Variants in BRWD1 observed in about 807,000 individuals in gnomAD.
The protein encoded by BRWD1 is bromodomain and WD repeat-containing protein 1.
In BRWD1, 82 loss-of-function variants were observed where a neutral mutation model predicts 251.2. That is an observed-to-expected ratio of 0.33 (90% confidence interval 0.27 to 0.39). The LOEUF (loss-of-function observed/expected upper bound fraction) is 0.39. Ranked by LOEUF, BRWD1 falls within the 10% of genes least tolerant of loss-of-function variation. The pLI is 1.00. For synonymous variants in BRWD1, 918 were observed against 902.8 expected, an observed-to-expected ratio of 1.02 and a Z score of -0.30; for missense variants, 2,233 against 2,711.6, an observed-to-expected ratio of 0.82 and a Z score of 3.92.
At chr21:39,239,298 G>C (rs1411249926) in intron 21 of BRWD1, among the ~76,000 whole-genome samples, 1 of 152,018 alleles carries the variant, frequency 6.6e-6, no homozygotes, top group Non-Finnish European at 1.5e-5. Context: ...TTATCTTCTA[G>C]AAGTTTTATG....
intron 20 of BRWD1, 54 bp from the exon 21 acceptor site, chr21:39,247,886 T>C: frequency 2.7e-6 from 4 of 1,478,008 alleles, no homozygotes; most frequent in South Asian, 2.9e-5. Flanking sequence ...AAGGACAATA[T>C]CAACAAAATG....
intron 13 of BRWD1, among the ~76,000 whole-genome samples, chr21:39,274,074 C>CT (rs2035202574): frequency 6.6e-6 from 1 of 152,050 alleles, no homozygotes; most frequent in Non-Finnish European, 1.5e-5. Context: ...TTAATTTTAT[C>CT]TTTTTTACTT....
Position 39,187,190 on chromosome 21 carries a change from GT to G in BRWD1, c.*9068del. The G allele has an allele frequency of 1.2e-6, 2 of 1,613,634 alleles. No homozygotes were observed. The highest frequency in any genetic ancestry group is 1.6e-4 in the Middle Eastern group (1 of 6,062). On this transcript the variant is annotated 3_prime_UTR_variant, in exon 41 of 41. Coordinates refer to ENST00000342449, the MANE Select transcript of BRWD1 (RefSeq NM_033656.4). Reference sequence around the variant, plus strand: ...GCAGCAGAAGCATTTCGATGGGGCAGTTTTCTGCTACTCTTCCTAATCCAGA... The same window carrying G: ...GCAGCAGAAGCATTTCGATGGGGCAGTTTCTGCTACTCTTCCTAATCCAGA...
chr21:39,294,277 ACCAATACTATTTT>A (rs1445958133), intron 7 of BRWD1, among the ~76,000 whole-genome samples: 1 of 152,208 alleles, frequency 6.6e-6, no homozygotes, highest in Non-Finnish European at 1.5e-5. Flanking sequence ...AGACTCCATT[ACCAATACTATTTT>A]CCCCCAAGTT....
chr21:39,189,803 T>C lies in BRWD1; in HGVS notation c.*6456A>G, dbSNP rs2031450809. On this transcript the variant is annotated 3_prime_UTR_variant, in exon 41 of 41. Transcript: ENST00000342449. Reference sequence around the variant, plus strand: ...AAATATATATAGGATATTTCAGGGTTAGAAGTCAAATTTGTGTGTTAGGGT... The same window carrying C: ...AAATATATATAGGATATTTCAGGGTCAGAAGTCAAATTTGTGTGTTAGGGT... 2 of 985,320 alleles carry C rather than the reference T, an allele frequency of 2.0e-6. No individual in the cohort carries two copies. The highest frequency in any genetic ancestry group is 1.7e-5 in the African/African-American group (1 of 57,328). The allele number at this position is 985,320 out of a possible 1,614,324, so 61.0% of individuals were successfully genotyped here.
chr21:39,203,354 GTT>G (rs2032204792), intron 37 of BRWD1, among the ~76,000 whole-genome samples: 1 of 148,660 alleles, frequency 6.7e-6, no homozygotes. Context: ...CAGGAGACTT[GTT>G]TTAGCCCAGG....
At position 39,210,778 on chromosome 21, in the gene BRWD1, A is replaced by T. The variant is rs2032622062; in HGVS notation, c.4044+8T>A. Reference sequence around the variant, plus strand: ...AAAGCCCCAAACATTTAAACAATGGAAACTTACTGGATATTCAACCAAATC... The same window carrying T: ...AAAGCCCCAAACATTTAAACAATGGTAACTTACTGGATATTCAACCAAATC... On this transcript the variant is annotated splice_region_variant and intron_variant, in intron 35 of 40. Transcript: ENST00000342449. 1.9e-6 allele frequency: 3 copies of T among 1,598,248 alleles called. No homozygotes were observed. The South Asian group carries it at 3.4e-5, about 18-fold the overall frequency.
At chr21:39,285,565 A>C (rs1421845961) in intron 8 of BRWD1, among the ~76,000 whole-genome samples, 2 of 152,208 alleles carry the variant, frequency 1.3e-5, no homozygotes, top group Non-Finnish European at 2.9e-5. Flanking sequence ...ATATGCACTG[A>C]AACATCACAC....
chr21:39,245,330 A>G (rs966713376), intron 21 of BRWD1, among the ~76,000 whole-genome samples: 1 of 152,198 alleles, frequency 6.6e-6, no homozygotes, highest in Non-Finnish European at 1.5e-5. Flanking sequence ...AACACATTGC[A>G]TTACTGATTA....
intron 20 of BRWD1, among the ~76,000 whole-genome samples, chr21:39,249,986 T>A (rs145414349): frequency 2.6e-3 from 396 of 151,474 alleles, no homozygotes; most frequent in African/African-American, 9.1e-3. Flanking sequence ...ATATATATAT[T>A]TTAACCCTAG....
At chr21:39,203,728 A>G (rs1343436865) in intron 37 of BRWD1, among the ~76,000 whole-genome samples, 1 of 151,178 alleles carries the variant, frequency 6.6e-6, no homozygotes, top group African/African-American at 2.4e-5. Context: ...TTAAAACAAA[A>G]GCAAAACAGC....
At position 39,311,762 on chromosome 21, in the gene BRWD1, T is replaced by C. The variant is rs145239043; in HGVS notation, c.198+1079A>G. ...ACTTCAAAATCTAAGAAAGCAAATA[T>C]TAAAATTATTTATTACTTGCACCAG... is the stretch of plus-strand genomic sequence containing the variant. On this transcript the variant is annotated intron_variant, in intron 4 of 40. Transcript: ENST00000342449. 7.2e-5 allele frequency among the ~76,000 whole-genome samples: 11 copies of C among 152,356 alleles called. 1 individual carries two copies. The highest frequency in any genetic ancestry group is 2.6e-4 in the African/African-American group (11 of 41,582).
rs1411306520 is a variant in BRWD1, at chr21:39,189,711, AT to A, written c.*6547del. ...TTTAAATACATTCAAGTCAGTGTTA[AT>A]TTTATTACTGAAAACTGAGTAAATT... On this transcript the variant is annotated 3_prime_UTR_variant, in exon 41 of 41. Transcript: ENST00000342449. 2.0e-6 allele frequency: 2 copies of A among 981,714 alleles called. No individual in the cohort carries two copies. The highest frequency in any genetic ancestry group is 3.5e-5 in the African/African-American group (2 of 57,152). 60.8% of individuals were successfully genotyped at this position (981,714 alleles called of 1,614,324 possible). A position where few individuals can be genotyped will look rare whatever the true frequency, so the allele number is the denominator to read the frequency against.
Position 39,312,885 on chromosome 21 carries a change from A to G in BRWD1, c.154T>C (p.Leu52=), listed in dbSNP as rs772950508. ...TTGTGCTCGTTGCCCTCCCAGTCCA[A>G]TCTCTTCGGCAACAACTGGAAAGAC... ...LEQYQLLPKR[L]DWEGNEHNRS... The change falls in exon 4 of 41, where the codon TTG becomes CTG. Residue 52 remains leucine (L), a synonymous_variant. Coordinates refer to ENST00000342449, the MANE Select transcript of BRWD1 (RefSeq NM_033656.4). The G allele has an allele frequency of 1.3e-6, 2 of 1,519,606 alleles. No individual in the cohort carries two copies. Among genetic ancestry groups the G allele is most frequent in the East Asian group, 2.6e-5 (1 of 38,100 alleles). The allele number at this position is 1,519,606 out of a possible 1,614,324, so 94.1% of individuals were successfully genotyped here. A position where few individuals can be genotyped will look rare whatever the true frequency, so the allele number is the denominator to read the frequency against.
At chr21:39,263,060 G>A (rs540357531) in intron 17 of BRWD1, among the ~76,000 whole-genome samples, 8 of 151,778 alleles carry the variant, frequency 5.3e-5, no homozygotes, top group South Asian at 2.1e-4. Context: ...AGCCAAGATC[G>A]CACCACTGCA....
At chr21:39,229,182 C>G (rs2033506621) in intron 26 of BRWD1, 130 bp downstream of exon 26, 1 of 782,234 alleles carries the variant, frequency 1.3e-6, no homozygotes, top group African/African-American at 1.8e-5. Context: ...GAAGCTCGAG[C>G]CACATCTTAG....
At chr21:39,268,511 T>G (rs918854003) in intron 15 of BRWD1, among the ~76,000 whole-genome samples, 6 of 150,866 alleles carry the variant, frequency 4.0e-5, no homozygotes, top group African/African-American at 1.5e-4. Flanking sequence ...CCTAATATGA[T>G]TCATGAAGGA....
chr21:39,242,847 T>C (rs1211148120), intron 21 of BRWD1, among the ~76,000 whole-genome samples: 1 of 152,186 alleles, frequency 6.6e-6, no homozygotes, highest in Admixed American at 6.5e-5. Flanking sequence ...TACAGCATCA[T>C]TTACAGCATG....
chr21:39,200,514 AAT>A, intron 38 of BRWD1, 128 bp from the exon 39 acceptor site: 1 of 776,484 alleles, frequency 1.3e-6, no homozygotes, highest in Non-Finnish European at 1.8e-6. Flanking sequence ...AAATGCTTAG[AAT>A]ATATTTTTTA....
Sources: allele counts gnomAD v4.1 joint callset (sites outside exome capture counted in the v4.1 genomes callset), GRCh38; gene constraint gnomAD v4.1.1; transcripts MANE v1.5; gene names NCBI Gene and HGNC (gene_info 2026-07-23, HGNC 2026-07-21).